HACE1: variants seen among roughly 807,000 people sequenced by gnomAD.
The protein encoded by HACE1 is E3 ubiquitin-protein ligase HACE1.
In HACE1, 73 loss-of-function variants were observed where a neutral mutation model predicts 118.4. That is an observed-to-expected ratio of 0.62 (90% CI 0.51 to 0.75). The LOEUF is 0.75. Ranked by LOEUF, HACE1 falls within the 30% of genes least tolerant of loss-of-function variation. The pLI is 0.00. For synonymous variants in HACE1, 368 were observed against 374.8 expected (o/e 0.98, Z 0.21); for missense variants, 749 against 1,102.2 (o/e 0.68, Z 4.54).
At chr6:104,800,360 G>C (rs888413034) in intron 7 of HACE1, among the ~76,000 whole-genome samples, 1 of 152,198 alleles carries the variant, frequency 6.6e-6, no homozygotes, top group African/African-American at 2.4e-5. Flanking sequence ...GAAGAGAGCA[G>C]TGGTTCTCCC....
chr6:104,852,560 C>G (rs886965349), intron 1 of HACE1, among the ~76,000 whole-genome samples, 189 bp from the exon 2 acceptor site: 2 of 152,188 alleles, frequency 1.3e-5, no homozygotes, highest in Non-Finnish European at 2.9e-5. Flanking sequence ...ATCCCCTCCA[C>G]TGCTTATCCC....
intron 17 of HACE1, among the ~76,000 whole-genome samples, chr6:104,774,546 A>T (rs1404843800): frequency 1.3e-5 from 2 of 151,638 alleles, no homozygotes; most frequent in African/African-American, 4.8e-5. Flanking sequence ...CACCATGCCC[A>T]GTTAATTTTT....
chr6:104,751,974 A>G (rs1042975170), intron 19 of HACE1, among the ~76,000 whole-genome samples: 1 of 148,798 alleles, frequency 6.7e-6, no homozygotes, highest in Non-Finnish European at 1.5e-5. Context: ...AAAACAGGGG[A>G]AAAAAAGACC....
At chr6:104,776,675 A>C (rs1781254709) in intron 17 of HACE1, 66 bp downstream of exon 17, 1 of 939,336 alleles carries the variant, frequency 1.1e-6, no homozygotes, top group Non-Finnish European at 1.8e-6. Context: ...CAAAAATAAA[A>C]TGTACTGAAA....
intron 6 of HACE1, among the ~76,000 whole-genome samples, chr6:104,816,532 T>G (rs1053792727): frequency 5.9e-5 from 9 of 152,256 alleles, no homozygotes; most frequent in African/African-American, 1.9e-4. Context: ...TTGAAACCTC[T>G]GCCTAGATTT....
At position 104,744,249 on chromosome 6, in the gene HACE1, A is replaced by T. The variant is rs1276729054; in HGVS notation, c.2443-19T>A. Reference sequence around the variant, plus strand: ...AGAACCACTAACAACAAGAACAAAAAACTTAGCTCATATTTCAGAGCAATT... The same window carrying T: ...AGAACCACTAACAACAAGAACAAAATACTTAGCTCATATTTCAGAGCAATT... On this transcript the variant is annotated intron_variant, in intron 21 of 23. Transcript: ENST00000262903. The T allele has an allele frequency of 6.8e-7, 1 of 1,479,174 alleles. No individual in the cohort carries two copies. Among genetic ancestry groups the T allele is most frequent in the Admixed American group, 1.7e-5 (1 of 59,844 alleles). 91.6% of individuals were successfully genotyped at this position (1,479,174 alleles called of 1,614,324 possible).
At chr6:104,757,562 G>A (rs1350835282) in intron 19 of HACE1, among the ~76,000 whole-genome samples, 1 of 152,050 alleles carries the variant, frequency 6.6e-6, no homozygotes, top group Non-Finnish European at 1.5e-5. Flanking sequence ...CAAAGCCAAA[G>A]GTAGATAAAA....
intron 19 of HACE1, among the ~76,000 whole-genome samples, chr6:104,755,103 C>A (rs1778445308): frequency 6.6e-6 from 1 of 151,894 alleles, no homozygotes; most frequent in Non-Finnish European, 1.5e-5. Context: ...TTTTACCAAG[C>A]AAATGGAAAA....
chr6:104,833,836 T>G (rs187463364), intron 5 of HACE1, among the ~76,000 whole-genome samples: 1 of 152,012 alleles, frequency 6.6e-6, no homozygotes, highest in East Asian at 1.9e-4. Flanking sequence ...ATACAAAAAA[T>G]TAGCTGGACG....
Position 104,859,548 on chromosome 6 carries a change from GC to G in HACE1, c.76+18del. 2 of 1,508,636 alleles carry G rather than the reference GC, an allele frequency of 1.3e-6. No individual in the cohort carries two copies. The highest frequency in any genetic ancestry group is 1.8e-6 in the Non-Finnish European group (2 of 1,133,646). 93.5% of individuals were successfully genotyped at this position (1,508,636 alleles called of 1,614,324 possible). A position where few individuals can be genotyped will look rare whatever the true frequency, so the allele number is the denominator to read the frequency against. Reference sequence around the variant, plus strand: ...CGCCCCCAGCCCCGCGGCCAGCCTGGCCCCGCGACCCGGCTCACCCTCGGGC... The same window carrying G: ...CGCCCCCAGCCCCGCGGCCAGCCTGGCCCGCGACCCGGCTCACCCTCGGGC... On this transcript the variant is annotated intron_variant, in intron 1 of 23. Coordinates refer to ENST00000262903, the MANE Select transcript of HACE1 (RefSeq NM_020771.4).
At chr6:104,819,494 C>T (rs1292946809) in intron 6 of HACE1, among the ~76,000 whole-genome samples, 1 of 152,124 alleles carries the variant, frequency 6.6e-6, no homozygotes, top group Non-Finnish European at 1.5e-5. Flanking sequence ...AATGCTATTC[C>T]TATTAAACTA....
chr6:104,851,378 G>A (rs757067168), intron 2 of HACE1, among the ~76,000 whole-genome samples: 17 of 152,128 alleles, frequency 1.1e-4, no homozygotes, highest in South Asian at 4.1e-4. Flanking sequence ...CACCCCACCC[G>A]GCCTAGCTAT....
intron 19 of HACE1, among the ~76,000 whole-genome samples, chr6:104,755,665 T>C (rs1778525227): frequency 6.6e-6 from 1 of 152,198 alleles, no homozygotes; most frequent in Non-Finnish European, 1.5e-5. Flanking sequence ...TTGAACAACC[T>C]GCTCCTGAAT....
At chr6:104,780,168 A>G (rs1206800907) in intron 14 of HACE1, among the ~76,000 whole-genome samples, 2 of 152,182 alleles carry the variant, frequency 1.3e-5, no homozygotes, top group Non-Finnish European at 2.9e-5. Context: ...ATATTAAACT[A>G]TATCATTTAT....
intron 19 of HACE1, among the ~76,000 whole-genome samples, chr6:104,755,681 TTG>T (rs1582676986): frequency 6.6e-6 from 1 of 152,198 alleles, no homozygotes; most frequent in African/African-American, 2.4e-5. Flanking sequence ...TGAATGACTC[TTG>T]GGTAAACAAC....
chr6:104,765,002 T>C (rs1311980865), intron 19 of HACE1, among the ~76,000 whole-genome samples: 2 of 152,202 alleles, frequency 1.3e-5, no homozygotes, highest in Admixed American at 6.5e-5. Context: ...CCTTCCACAA[T>C]TACAATTCTG....
At chr6:104,820,621 A>C (rs754383071) in intron 6 of HACE1, among the ~76,000 whole-genome samples, 27 of 152,348 alleles carry the variant, frequency 1.8e-4, no homozygotes, top group Middle Eastern at 3.4e-3. Context: ...GAGAAATGCA[A>C]ATCAAAACCA....
intron 11 of HACE1, among the ~76,000 whole-genome samples, chr6:104,788,388 T>C (rs1782658978): frequency 6.6e-6 from 1 of 152,116 alleles, no homozygotes; most frequent in South Asian, 2.1e-4. Flanking sequence ...TTTATAAGCA[T>C]TTTAAGTCAT....
chr6:104,819,742 C>A (rs1772494441), intron 6 of HACE1, among the ~76,000 whole-genome samples: 1 of 152,116 alleles, frequency 6.6e-6, no homozygotes, highest in Non-Finnish European at 1.5e-5. Flanking sequence ...CGCACTCTGA[C>A]AACTATCTGA....
Sources: allele counts gnomAD v4.1 joint callset (sites outside exome capture counted in the v4.1 genomes callset), GRCh38; gene constraint gnomAD v4.1.1; transcripts MANE v1.5; gene names NCBI Gene and HGNC (gene_info 2026-07-23, HGNC 2026-07-21).